VPS13B: variants seen among roughly 807,000 people sequenced by gnomAD.
VPS13B encodes vacuolar protein sorting 13 homolog B.
VPS13B carries 285 observed loss-of-function variants against 426.4 expected under a neutral mutation model. That is an observed-to-expected ratio of 0.67 (90% CI 0.61 to 0.74). The LOEUF is 0.74. Among genes scored for constraint, VPS13B ranks in the 30% least tolerant of loss-of-function variants. The probability of loss-of-function intolerance (pLI) is 0.00; values close to 1 mark genes in which losing one functional copy is unlikely to be tolerated. For synonymous variants in VPS13B, 1,676 were observed against 1,676.4 expected, an observed-to-expected ratio of 1.00 and a Z score of 0.01; for missense variants, 4,537 against 4,782.6, an observed-to-expected ratio of 0.95 and a Z score of 1.51.
At chr8:99,340,550 T>C in intron 19 of VPS13B, 1 of 469,406 alleles carries the variant, frequency 2.1e-6, no homozygotes, top group East Asian at 6.0e-5. Flanking sequence ...AGGTGTCTGG[T>C]CACCTGGGTG....
chr8:99,300,003 C>A (rs1198035215), intron 19 of VPS13B, among the ~76,000 whole-genome samples: 1 of 152,138 alleles, frequency 6.6e-6, no homozygotes, highest in African/African-American at 2.4e-5. Flanking sequence ...TAACTACTAC[C>A]TGATTGTCTA....
At chr8:99,070,284 TAAC>T (rs1282711432) in intron 3 of VPS13B, among the ~76,000 whole-genome samples, 6 of 152,220 alleles carry the variant, frequency 3.9e-5, no homozygotes, top group African/African-American at 1.4e-4. Flanking sequence ...AGTAGGTTAT[TAAC>T]ATCCTAAAGT....
At chr8:99,827,205 AT>A (rs900900330) in intron 51 of VPS13B, among the ~76,000 whole-genome samples, 4 of 151,674 alleles carry the variant, frequency 2.6e-5, no homozygotes, top group Non-Finnish European at 5.9e-5. Context: ...GGTCCTGCGC[AT>A]TTTTGGTTGG....
chr8:99,267,163 A>C (rs1177482384), intron 17 of VPS13B, among the ~76,000 whole-genome samples: 1 of 152,182 alleles, frequency 6.6e-6, no homozygotes, highest in Non-Finnish European at 1.5e-5. Context: ...GCTTTGACTA[A>C]AATGCTGACA....
intron 3 of VPS13B, among the ~76,000 whole-genome samples, chr8:99,087,283 G>A (rs1257334826): frequency 1.3e-5 from 2 of 152,188 alleles, no homozygotes; most frequent in African/African-American, 4.8e-5. Flanking sequence ...CTCCTGGTGT[G>A]CCGTTTGCTA....
intron 33 of VPS13B, among the ~76,000 whole-genome samples, chr8:99,599,216 CCT>C (rs1460999834): frequency 6.6e-6 from 1 of 151,988 alleles, no homozygotes; most frequent in African/African-American, 2.4e-5. Flanking sequence ...CAGCCCCTGT[CCT>C]CTCAAGGTTA....
rs560804363 is a variant in VPS13B, at chr8:99,255,782, C to T, written c.2516-18416C>T. 5.9e-5 allele frequency among the ~76,000 whole-genome samples: 9 copies of T among 152,118 alleles called. No individual in the cohort carries two copies. In the East Asian group the frequency reaches 9.7e-4, roughly 16 times the overall value. On this transcript the variant is annotated intron_variant, in intron 17 of 61. Transcript: ENST00000357162. ...TGGTGCTGAGGTGGTATGTTATTGC[C>T]GCAGGTTGGTAAAATTTTTGACTCT...
intron 39 of VPS13B, among the ~76,000 whole-genome samples, chr8:99,725,207 T>C (rs1833291928): frequency 6.6e-6 from 1 of 152,192 alleles, no homozygotes; most frequent in African/African-American, 2.4e-5. Context: ...TGTGTCCCCA[T>C]CTTGTGTCTC....
chr8:99,529,001 G>T (rs1221768237), intron 30 of VPS13B, among the ~76,000 whole-genome samples: 1 of 150,452 alleles, frequency 6.6e-6, no homozygotes, highest in Non-Finnish European at 1.5e-5. Context: ...AATAAGAAAA[G>T]GTAAAATAAC....
chr8:99,853,293 C>A lies in VPS13B; in HGVS notation c.10062-158C>A, dbSNP rs1399591798. Among the ~76,000 whole-genome samples, 3 of 152,074 alleles carry A rather than the reference C, an allele frequency of 2.0e-5. No individual in the cohort carries two copies. The East Asian group carries it at 5.8e-4, about 29-fold the overall frequency. ...CTGTTGGAGTGTGACTGACTCCGTC[C>A]AGACACAATGTACTGAAAGTTGAGT... On this transcript the variant is annotated intron_variant, in intron 55 of 61. Transcript: ENST00000357162.
intron 6 of VPS13B, among the ~76,000 whole-genome samples, chr8:99,111,882 A>G (rs1381521720): frequency 1.3e-5 from 2 of 152,118 alleles, no homozygotes; most frequent in Non-Finnish European, 2.9e-5. Context: ...TTGGGCTCCC[A>G]CTGATACCAT....
At chr8:99,349,350 A>AAAAAAAAG (rs1184275418) in intron 19 of VPS13B, among the ~76,000 whole-genome samples, 1 of 147,580 alleles carries the variant, frequency 6.8e-6, no homozygotes, top group African/African-American at 2.6e-5. Context: ...AAAAAAAAAA[A>AAAAAAAAG]AAAAAGAAAA....
At chr8:99,274,735 A>T (rs1191553264) in intron 18 of VPS13B, among the ~76,000 whole-genome samples, 3 of 152,068 alleles carry the variant, frequency 2.0e-5, no homozygotes, top group Non-Finnish European at 4.4e-5. Context: ...CCAATATTTT[A>T]TTTCATAATA....
intron 15 of VPS13B, among the ~76,000 whole-genome samples, chr8:99,164,427 C>T (rs1267760772): frequency 6.6e-6 from 1 of 152,166 alleles, no homozygotes; most frequent in Non-Finnish European, 1.5e-5. Context: ...AAACAACACT[C>T]TTCCCCTAAA....
At chr8:99,857,937 A>C (rs1816636155) in intron 56 of VPS13B, among the ~76,000 whole-genome samples, 1 of 152,196 alleles carries the variant, frequency 6.6e-6, no homozygotes, top group African/African-American at 2.4e-5. Context: ...GTTCCAGAGA[A>C]GGGAGGAGGG....
At chr8:99,720,263 T>C in intron 37 of VPS13B, 82 bp from the exon 38 acceptor site, 2 of 1,120,048 alleles carry the variant, frequency 1.8e-6, no homozygotes. Flanking sequence ...AGTCCTACAT[T>C]AATTCAAATA....
intron 19 of VPS13B, among the ~76,000 whole-genome samples, chr8:99,381,388 T>C (rs1385453037): frequency 6.6e-6 from 1 of 152,166 alleles, no homozygotes; most frequent in Admixed American, 6.5e-5. Context: ...GTCTTTACGG[T>C]AGAATCATTT....
chr8:99,181,737 A>G (rs1812957171), intron 16 of VPS13B, among the ~76,000 whole-genome samples: 1 of 152,164 alleles, frequency 6.6e-6, no homozygotes, highest in East Asian at 1.9e-4. Context: ...AAGATTGTAT[A>G]AAGTTTTATT....
chr8:99,676,588 A>G (rs1326021865), intron 35 of VPS13B, among the ~76,000 whole-genome samples: 1 of 151,902 alleles, frequency 6.6e-6, no homozygotes, highest in Non-Finnish European at 1.5e-5. Flanking sequence ...GGGAGAGTTG[A>G]CACAGAGAAT....
Sources: allele counts gnomAD v4.1 joint callset (sites outside exome capture counted in the v4.1 genomes callset), GRCh38; gene constraint gnomAD v4.1.1; transcripts MANE v1.5; gene names NCBI Gene and HGNC (gene_info 2026-07-23, HGNC 2026-07-21).